Variants in HADHA observed in about 807,000 individuals in gnomAD.
HADHA encodes the protein hydroxyacyl-CoA dehydrogenase trifunctional multienzyme complex subunit alpha.
Under a neutral mutation model 91.3 loss-of-function variants are expected in HADHA, and 59 were observed. That is an observed-to-expected ratio of 0.65 (90% CI 0.52 to 0.80). HADHA has a LOEUF of 0.80. Ranked by LOEUF, HADHA falls within the 30% of genes least tolerant of loss-of-function variation. The pLI is 0.00. For missense variants in HADHA, 800 were observed against 927.6 expected (o/e 0.86, Z 1.79); for synonymous variants, 320 against 338.9 (o/e 0.94, Z 0.61).
At chr2:26,204,328 T>C (rs1330071900) in intron 11 of HADHA, 132 bp from the exon 12 acceptor site, 1 of 863,960 alleles carries the variant, frequency 1.2e-6, no homozygotes, top group Non-Finnish European at 1.9e-6. Flanking sequence ...ATAATTTTTA[T>C]TTATTAAAAA....
chr2:26,241,012 C>G (rs1434167433), intron 1 of HADHA, among the ~76,000 whole-genome samples: 1 of 152,168 alleles, frequency 6.6e-6, no homozygotes, highest in African/African-American at 2.4e-5. Context: ...GGTAGCTTTG[C>G]TTTTGGAGTC....
rs755518457 is a variant in HADHA at position 26,191,398 on chromosome 2, G to C, written c.2147-3C>G. On this transcript the variant is annotated splice_region_variant and splice_polypyrimidine_tract_variant and intron_variant, in intron 19 of 19. Transcript: ENST00000380649. ...CAGATCCACAAAGCGGAAAGGCCCTGAATAGAGAAAGAGGACTTCGTTGAA... is the reference window on the plus strand; with the variant it reads ...CAGATCCACAAAGCGGAAAGGCCCTCAATAGAGAAAGAGGACTTCGTTGAA... 6.2e-7 allele frequency: 1 copy of C among 1,614,222 alleles called. No homozygotes were observed. The highest frequency in any genetic ancestry group is 1.3e-5 in the African/African-American group (1 of 75,052).
chr2:26,241,151 C>T (rs571632094), intron 1 of HADHA, among the ~76,000 whole-genome samples: 2 of 152,202 alleles, frequency 1.3e-5, no homozygotes, highest in African/African-American at 2.4e-5. Flanking sequence ...TGTAATGTAA[C>T]CCAAGAATAA....
intron 1 of HADHA, 85 bp from the exon 2 acceptor site, chr2:26,239,228 A>G (rs1670835374): frequency 2.2e-6 from 2 of 921,458 alleles, no homozygotes; most frequent in South Asian, 2.6e-5. Flanking sequence ...ATTTACAATA[A>G]TAACAACAAC....
chr2:26,222,758 G>C (rs1670403354), intron 7 of HADHA, among the ~76,000 whole-genome samples: 1 of 152,120 alleles, frequency 6.6e-6, no homozygotes, highest in African/African-American at 2.4e-5. Context: ...CTCAGTAAGT[G>C]AAGTGCAGCA....
Position 26,214,460 on chromosome 2 carries a change from G to T in HADHA, c.901C>A (p.Pro301Thr), listed in dbSNP as rs1044216511. 2.6e-6 allele frequency: 4 copies of T among 1,527,188 alleles called. No individual in the cohort carries two copies. The African/African-American group carries it at 5.5e-5, about 21-fold the overall frequency. The allele number at this position is 1,527,188 out of a possible 1,614,324, so 94.6% of individuals were successfully genotyped here. Residue 301 changes from proline (P) to threonine (T), a missense_variant, in exon 9 of 20, where the codon CCT (proline) becomes ACT (threonine). Physicochemically the swap from Pro to Thr is conservative, Grantham distance 38. Coordinates refer to ENST00000380649, the MANE Select transcript of HADHA (RefSeq NM_000182.5). This position sits in a 1 kb window ranked among gnomAD's most constrained non-coding sequence, Gnocchi z 4.1. ...RKQTKGLYPA[P>T]LKIIDVVKTG... ...AGACTCACATCAATTATTTTCAGAG[G>T]TGCAGGATAAAGGCCTTTAGTCTGC...
At chr2:26,193,793 G>A (rs760394458) in intron 16 of HADHA, 21 bp from the exon 17 acceptor site, 19 of 1,602,100 alleles carry the variant, frequency 1.2e-5, no homozygotes, top group Non-Finnish European at 1.5e-5. Context: ...AGCGATGCAG[G>A]GACCTCAGGG....
chr2:26,237,028 G>T, intron 3 of HADHA, 40 bp from the exon 4 acceptor site: 2 of 1,480,622 alleles, frequency 1.4e-6, no homozygotes, highest in Non-Finnish European at 1.9e-6. Context: ...GTTTAAATTT[G>T]AAGCACTGGA....
At position 26,221,886 on chromosome 2, in the gene HADHA, T is replaced by C. The variant is rs1670383186; in HGVS notation, c.677-6711A>G. ...TGTTCATTTTGTCTAGAAAGAAAAA[T>C]GGCCTGAGCTAAGGGTCTACTCTGA... is the stretch of plus-strand genomic sequence containing the variant. On this transcript the variant is annotated intron_variant, in intron 7 of 19. Coordinates refer to ENST00000380649, the MANE Select transcript of HADHA (RefSeq NM_000182.5). The surrounding 1 kb of genome is among the most constrained non-coding windows in gnomAD (Gnocchi z 4.8). 1.3e-5 allele frequency among the ~76,000 whole-genome samples: 2 copies of C among 152,144 alleles called. No homozygotes were observed. The highest frequency in any genetic ancestry group is 4.8e-5 in the African/African-American group (2 of 41,430).
chr2:26,231,839 C>A (rs13006973), intron 6 of HADHA, among the ~76,000 whole-genome samples: 2 of 151,794 alleles, frequency 1.3e-5, no homozygotes, highest in Admixed American at 1.3e-4. Context: ...TGCAGTGGTG[C>A]ACGCCTGTAA....
At chr2:26,234,065 G>A in intron 5 of HADHA, 152 bp downstream of exon 5, 2 of 711,862 alleles carry the variant, frequency 2.8e-6, no homozygotes, top group East Asian at 5.5e-5. Context: ...TGGGAGACAA[G>A]AGCAAAATTC....
At chr2:26,237,699 C>T (rs1021258087) in intron 3 of HADHA, among the ~76,000 whole-genome samples, 20 of 152,080 alleles carry the variant, frequency 1.3e-4, no homozygotes, top group African/African-American at 4.8e-4. Flanking sequence ...ATGTGATTAT[C>T]CCATGGAAGA....
intron 9 of HADHA, among the ~76,000 whole-genome samples, chr2:26,212,966 C>G (rs1272021149): frequency 1.3e-5 from 2 of 152,168 alleles, no homozygotes; most frequent in Non-Finnish European, 2.9e-5. Flanking sequence ...AGATGCATGA[C>G]CTAGTTTATC....
intron 7 of HADHA, among the ~76,000 whole-genome samples, chr2:26,225,076 T>C (rs994305990): frequency 2.0e-5 from 3 of 152,210 alleles, no homozygotes; most frequent in South Asian, 4.1e-4. Context: ...TATCTATTAA[T>C]TGAATTCATA....
At chr2:26,234,424 T>C (rs1670698753) in intron 4 of HADHA, 69 bp from the exon 5 acceptor site, 3 of 1,247,468 alleles carry the variant, frequency 2.4e-6, no homozygotes, top group South Asian at 1.2e-5. Flanking sequence ...TCAATACTTA[T>C]TCACTATACA....
rs146667859 is a variant in HADHA, at chr2:26,232,173, C to T, written c.560G>A (p.Arg187Lys). The part of the protein sequence containing the change: ...GALPGAGGTQ[R>K]LPKMVGVPAA... ...TGTTAGACTCACCATTTTGGGCAGC[C>T]TTTGTGTGCCTCCTGCTCCTGGTAA... Residue 187 changes from arginine (R) to lysine (K), a missense_variant, in exon 6 of 20, where the codon AGG (arginine) becomes AAG (lysine). Physicochemically the swap from Arg to Lys is conservative, Grantham distance 26. Coordinates refer to ENST00000380649, the MANE Select transcript of HADHA (RefSeq NM_000182.5). 1.2e-6 allele frequency: 2 copies of T among 1,611,266 alleles called. No homozygotes were observed. Among genetic ancestry groups the T allele is most frequent in the Non-Finnish European group, 1.7e-6 (2 of 1,177,488 alleles).
chr2:26,239,282 C>T (rs1670836474), intron 1 of HADHA, 139 bp from the exon 2 acceptor site: 3 of 710,540 alleles, frequency 4.2e-6, no homozygotes, highest in Non-Finnish European at 7.7e-6. Flanking sequence ...CATATGACTA[C>T]TGCCATATTT....
Position 26,193,613 on chromosome 2 carries a change from C to T in HADHA, c.1849G>A (p.Glu617Lys), listed in dbSNP as rs755224363. The T allele has an allele frequency of 1.2e-6, 2 of 1,614,050 alleles. No homozygotes were observed. Among genetic ancestry groups the T allele is most frequent in the South Asian group, 2.2e-5 (2 of 91,080 alleles). ...FGERFGGGNPELLTQMVSKGF... is the reference protein window; with the variant it reads ...FGERFGGGNPKLLTQMVSKGF... ...TTGGACACCATCTGTGTCAGCAGTTCTGGGTTTCCACCTCCAAACCGCTCC... is the reference window on the plus strand; with the variant it reads ...TTGGACACCATCTGTGTCAGCAGTTTTGGGTTTCCACCTCCAAACCGCTCC... Residue 617 changes from glutamate (E) to lysine (K), a missense_variant, in exon 17 of 20, where the codon GAA becomes AAA. Physicochemically the swap from Glu to Lys is moderately conservative, Grantham distance 56. Transcript: ENST00000380649.
chr2:26,219,954 C>A (rs1325507527), intron 7 of HADHA, among the ~76,000 whole-genome samples: 3 of 152,156 alleles, frequency 2.0e-5, no homozygotes, highest in South Asian at 4.1e-4. Flanking sequence ...AGTTTACAGA[C>A]CCAGAATCTC....
Sources: allele counts gnomAD v4.1 joint callset (sites outside exome capture counted in the v4.1 genomes callset), GRCh38; gene constraint gnomAD v4.1.1; non-coding constraint Gnocchi (gnomAD v3.1); transcripts MANE v1.5; gene names NCBI Gene and HGNC (gene_info 2026-07-23, HGNC 2026-07-21).